Variants in HEATR5A observed in about 807,000 individuals in gnomAD.
The protein encoded by HEATR5A is HEAT repeat containing 5A.
HEATR5A carries 178 observed loss-of-function variants against 218.8 expected under a neutral mutation model. The ratio of observed to expected loss-of-function variants is 0.81; its 90% CI spans 0.72 to 0.92. The LOEUF (loss-of-function observed/expected upper bound fraction) is 0.92, where lower values mean the gene tolerates loss of function less well. Ranked by LOEUF, HEATR5A falls within the 40% of genes least tolerant of loss-of-function variation. HEATR5A has a pLI of 0.00. For synonymous variants in HEATR5A, 864 were observed against 871.6 expected (o/e 0.99, Z 0.15); for missense variants, 2,420 against 2,418.9 (o/e 1.00, Z -0.01).
At chr14:31,325,273 T>A (rs1900226602) in intron 23 of HEATR5A, among the ~76,000 whole-genome samples, 1 of 152,176 alleles carries the variant, frequency 6.6e-6, no homozygotes, top group Non-Finnish European at 1.5e-5. Context: ...AGGATACAAA[T>A]TTTAAAGATT....
chr14:31,398,086 A>G (rs995780033), intron 4 of HEATR5A, among the ~76,000 whole-genome samples: 8 of 152,218 alleles, frequency 5.3e-5, no homozygotes, highest in South Asian at 2.1e-4. Flanking sequence ...ATAGTATCTT[A>G]ATATCTTAAA....
chr14:31,418,052 A>G (rs143416767), intron 1 of HEATR5A, among the ~76,000 whole-genome samples: 1,569 of 152,008 alleles, frequency 0.01, 24 homozygotes, highest in African/African-American at 0.035. Flanking sequence ...TACTAAAAAT[A>G]CAAAAATTAG....
At chr14:31,408,580 G>T (rs2031160602) in intron 1 of HEATR5A, among the ~76,000 whole-genome samples, 1 of 151,382 alleles carries the variant, frequency 6.6e-6, no homozygotes, top group Admixed American at 6.6e-5. Flanking sequence ...ATTTTTATAG[G>T]TGAAAAAAAA....
intron 1 of HEATR5A, among the ~76,000 whole-genome samples, chr14:31,407,453 T>C (rs918192480): frequency 6.6e-6 from 1 of 152,148 alleles, no homozygotes; most frequent in Non-Finnish European, 1.5e-5. Flanking sequence ...ATGTATATTA[T>C]GACTCTCCAT....
At chr14:31,393,122 G>A (rs1346053917) in intron 6 of HEATR5A, among the ~76,000 whole-genome samples, 1 of 152,122 alleles carries the variant, frequency 6.6e-6, no homozygotes, top group African/African-American at 2.4e-5. Flanking sequence ...TATGTAGTCA[G>A]ATGCATGCTG....
chr14:31,348,396 T>A (rs561355479), intron 18 of HEATR5A, among the ~76,000 whole-genome samples: 1 of 151,870 alleles, frequency 6.6e-6, no homozygotes, highest in South Asian at 2.1e-4. Context: ...GACAACATAA[T>A]GAGACCCTGT....
chr14:31,377,726 T>A (rs1902283116), intron 11 of HEATR5A, among the ~76,000 whole-genome samples: 1 of 151,600 alleles, frequency 6.6e-6, no homozygotes, highest in Admixed American at 6.6e-5. Context: ...CTGCAGTGAA[T>A]CATGATCGTA....
In HEATR5A at chr14:31,400,357, TTTA is replaced by T; in HGVS notation, c.279_281del (p.Asp93_Lys94delinsGlu). The T allele has an allele frequency of 1.3e-6, 2 of 1,535,852 alleles. No homozygotes were observed. The highest frequency in any genetic ancestry group is 1.2e-5 in the South Asian group (1 of 84,054). On this transcript the variant is annotated inframe_deletion, in exon 3 of 36. Transcript: ENST00000543095. ...CTTTGCTACGAATAAGATCATTACA[TTTA>T]TCGATTGCTTCATGAACGGAGAATG...
At chr14:31,351,882 T>G (rs1901245795) in intron 16 of HEATR5A, among the ~76,000 whole-genome samples, 1 of 152,110 alleles carries the variant, frequency 6.6e-6, no homozygotes, top group Admixed American at 6.6e-5. Context: ...CTGAAAGTGC[T>G]AGGATTATAG....
In HEATR5A at chr14:31,387,100, G is replaced by A; in HGVS notation, c.1189+20C>T. 6.2e-7 allele frequency: 1 copy of A among 1,613,024 alleles called. No individual in the cohort carries two copies. The highest frequency in any genetic ancestry group is 8.5e-7 in the Non-Finnish European group (1 of 1,179,156). The stretch of plus-strand genomic sequence containing the variant: ...TTCCATTAGCACTGTTAAACAAACT[G>A]TCTTAGTAGAGATCCATACCCATAA... On this transcript the variant is annotated intron_variant, in intron 8 of 35. Coordinates refer to ENST00000543095, the MANE Select transcript of HEATR5A (RefSeq NM_015473.4).
Position 31,405,540 on chromosome 14 carries a change from T to C in HEATR5A, c.-74-2491A>G, listed in dbSNP as rs191192926. On this transcript the variant is annotated intron_variant, in intron 1 of 35. Transcript: ENST00000543095. ...AAAAACCCTCCTTTCCTTTGTTCAA[T>C]TATCAAAGTGAACTAGCCAAAATAT... Among the ~76,000 whole-genome samples the C allele has an allele frequency of 1.3e-3, 196 of 152,340 alleles. No individual in the cohort carries two copies. In the Middle Eastern group the frequency reaches 0.014, roughly 11 times the overall value.
At chr14:31,399,437 C>T (rs968716654) in intron 3 of HEATR5A, among the ~76,000 whole-genome samples, 1 of 152,082 alleles carries the variant, frequency 6.6e-6, no homozygotes, top group Admixed American at 6.5e-5. Flanking sequence ...AAAATAAAAA[C>T]AAGAAATAAT....
At chr14:31,419,579 C>CA (rs1393565008) in intron 1 of HEATR5A, among the ~76,000 whole-genome samples, 1 of 151,976 alleles carries the variant, frequency 6.6e-6, no homozygotes, top group Non-Finnish European at 1.5e-5. Context: ...CGCCTAGCCC[C>CA]AAAAAAGTGC....
chr14:31,374,740 A>G lies in HEATR5A; in HGVS notation c.1861+76T>C, dbSNP rs1188309771. The G allele has an allele frequency of 7.3e-6, 10 of 1,371,346 alleles. No individual in the cohort carries two copies. In the African/African-American group the frequency reaches 1.5e-4, roughly 20 times the overall value. The allele number at this position is 1,371,346 out of a possible 1,614,324, so 84.9% of individuals were successfully genotyped here. ...CCCCCTGCCTCGTGTTAAATAAAAC[A>G]TACAAGTACATGTTAAAGACAAAGG... is the stretch of plus-strand genomic sequence containing the variant. On this transcript the variant is annotated intron_variant, in intron 12 of 35. Transcript: ENST00000543095.
intron 32 of HEATR5A, among the ~76,000 whole-genome samples, chr14:31,303,443 CAAACAAA>C (rs1443885978): frequency 6.6e-6 from 1 of 151,946 alleles, no homozygotes; most frequent in Non-Finnish European, 1.5e-5. Flanking sequence ...AAAAAACAAA[CAAACAAA>C]AAACAAAAAA....
intron 13 of HEATR5A, among the ~76,000 whole-genome samples, chr14:31,365,035 C>A (rs139326240): frequency 1.8e-4 from 27 of 151,408 alleles, no homozygotes; most frequent in Non-Finnish European, 3.5e-4. Flanking sequence ...CCACCATGCC[C>A]GGCTAATTTT....
chr14:31,320,215 C>A, intron 25 of HEATR5A: 1 of 641,542 alleles, frequency 1.6e-6, no homozygotes, highest in Non-Finnish European at 2.9e-6. Flanking sequence ...AGGTGACCCT[C>A]ACGGAGCCTC....
At chr14:31,348,516 G>C (rs1440594161) in intron 18 of HEATR5A, among the ~76,000 whole-genome samples, 1 of 152,170 alleles carries the variant, frequency 6.6e-6, no homozygotes, top group Non-Finnish European at 1.5e-5. Flanking sequence ...CCAGGAGTTC[G>C]AGGCTGCAGT....
At chr14:31,406,045 C>T (rs1306616203) in intron 1 of HEATR5A, among the ~76,000 whole-genome samples, 2 of 152,136 alleles carry the variant, frequency 1.3e-5, no homozygotes, top group Non-Finnish European at 2.9e-5. Flanking sequence ...GCTCCACATT[C>T]GCACTACCAA....
Sources: gnomAD v4.1 joint callset for allele counts (sites outside exome capture counted in the v4.1 genomes callset) on GRCh38, gnomAD v4.1.1 for gene constraint, MANE v1.5 for transcripts, NCBI Gene and HGNC (gene_info 2026-07-23, HGNC 2026-07-21) for gene names.